RNF212: variants seen among roughly 807,000 people sequenced by gnomAD.
The protein encoded by RNF212 is ring finger protein 212.
RNF212 carries 33 observed loss-of-function variants against 34.7 expected under a neutral mutation model. The observed-to-expected ratio is 0.95, with a 90% CI of 0.72 to 1.27. The LOEUF is 1.27. RNF212 is among the 50% of genes most tolerant of loss of function. The pLI is 0.00. For missense variants in RNF212, 377 were observed against 362.2 expected, an observed-to-expected ratio of 1.04 and a Z score of -0.33; for synonymous variants, 140 against 136.1, an observed-to-expected ratio of 1.03 and a Z score of -0.20.
intron 3 of RNF212, chr4:1,093,953 T>A (rs1159461643): frequency 2.0e-6 from 3 of 1,536,112 alleles, no homozygotes; most frequent in Non-Finnish European, 2.6e-6. Context: ...TCTGGGCACC[T>A]CCTTGGAGGA....
chr4:1,100,766 T>G (rs527893595), intron 2 of RNF212: 6 of 152,650 alleles, frequency 3.9e-5, no homozygotes, highest in Admixed American at 3.3e-4. Flanking sequence ...ATCATCATAT[T>G]TGACCACTAT....
chr4:1,075,947 G>A (rs1719226479), intron 8 of RNF212, among the ~76,000 whole-genome samples: 1 of 152,120 alleles, frequency 6.6e-6, no homozygotes, highest in Non-Finnish European at 1.5e-5. Flanking sequence ...CAGGCGTGAG[G>A]TACTGTGTCT....
Position 1,080,717 on chromosome 4 carries a change from G to A in RNF212, c.464+702C>T, listed in dbSNP as rs1201791394. Among the ~76,000 whole-genome samples the A allele has an allele frequency of 3.3e-5, 5 of 152,194 alleles. No individual in the cohort carries two copies. The East Asian group carries it at 7.7e-4, about 23-fold the overall frequency. Reference sequence around the variant, plus strand: ...GCCTGAGCCTTCTTTCCTGCCTCTTGCTACCTGTGGACAGAGCACTGTCCT... The same window carrying A: ...GCCTGAGCCTTCTTTCCTGCCTCTTACTACCTGTGGACAGAGCACTGTCCT... On this transcript the variant is annotated intron_variant, in intron 7 of 9. Transcript: ENST00000433731.
chr4:1,105,638 T>G (rs936519423), intron 2 of RNF212, among the ~76,000 whole-genome samples: 1 of 152,262 alleles, frequency 6.6e-6, no homozygotes, highest in Non-Finnish European at 1.5e-5. Context: ...CAGAGGGTAC[T>G]GCACTAAGCG....
chr4:1,113,535 C>A lies in RNF212; in HGVS notation c.-71G>T, dbSNP rs1028172125. On this transcript the variant is annotated 5_prime_UTR_variant, in exon 1 of 10. Coordinates refer to ENST00000433731, the MANE Select transcript of RNF212 (RefSeq NM_001131034.4). The stretch of plus-strand genomic sequence containing the variant: ...CACGCAAGGTTGGGACCAGCCTCCC[C>A]GCGCAGGGCCCGAAGGCGGGCAGCT... 1.1e-5 allele frequency: 14 copies of A among 1,293,994 alleles called. No homozygotes were observed. In the Admixed American group the frequency reaches 1.2e-4, roughly 11 times the overall value. The allele number at this position is 1,293,994 out of a possible 1,614,324, so 80.2% of individuals were successfully genotyped here.
At chr4:1,088,327 T>C (rs2153049403) in intron 4 of RNF212, among the ~76,000 whole-genome samples, 2 of 152,354 alleles carry the variant, frequency 1.3e-5, no homozygotes, top group South Asian at 4.1e-4. Flanking sequence ...CCTCAATGTC[T>C]GTGGAACTTT....
At chr4:1,058,307 C>CGG (rs141837552) in intron 4 of RNF212, 2 of 898,130 alleles carry the variant, frequency 2.2e-6, no homozygotes, top group Admixed American at 6.6e-5. Flanking sequence ...AAGGTGCTTG[C>CGG]GGGGGGGCAC....
intron 3 of RNF212, among the ~76,000 whole-genome samples, chr4:1,094,445 G>C (rs1443078854): frequency 1.3e-5 from 2 of 152,206 alleles, no homozygotes; most frequent in African/African-American, 4.8e-5. Context: ...TGCTGACTGG[G>C]AGGAGGGTCA....
downstream of RNF212, chr4:1,071,336 T>G (rs1718476254): frequency 6.6e-6 from 1 of 152,108 alleles, no homozygotes; most frequent in African/African-American, 2.4e-5. Flanking sequence ...TCAAAATAAA[T>G]TATTAAAAAA....
At chr4:1,098,756 G>C (rs1333844367) in intron 2 of RNF212, among the ~76,000 whole-genome samples, 1 of 152,156 alleles carries the variant, frequency 6.6e-6, no homozygotes, top group African/African-American at 2.4e-5. Context: ...CACCCCCTCA[G>C]CCCCGGCCAT....
At chr4:1,088,748 C>T (rs986010640) in intron 4 of RNF212, among the ~76,000 whole-genome samples, 4 of 152,220 alleles carry the variant, frequency 2.6e-5, no homozygotes, top group Admixed American at 6.5e-5. Flanking sequence ...GGACATGGTG[C>T]CCTGCATCCT....
In RNF212 at chr4:1,110,584, A is replaced by G. The variant is rs1021130688; in HGVS notation, c.110-2180T>C. Among the ~76,000 whole-genome samples, 24 of 152,234 alleles carry G rather than the reference A, an allele frequency of 1.6e-4. 1 individual carries two copies. The highest frequency in any genetic ancestry group is 1.9e-4 in the African/African-American group (8 of 41,456). On this transcript the variant is annotated intron_variant, in intron 1 of 9. Transcript: ENST00000433731. The stretch of plus-strand genomic sequence containing the variant: ...TGCAACCTTAAGAATGATGATACAG[A>G]CTTATTTTAACACGGAAGGAGGTCT...
chr4:1,110,535 G>A (rs1391625748), intron 1 of RNF212, among the ~76,000 whole-genome samples: 1 of 152,142 alleles, frequency 6.6e-6, no homozygotes, highest in Admixed American at 6.5e-5. Flanking sequence ...CTATGTTATG[G>A]TATGATAGCC....
At chr4:1,066,416 C>T (rs1401695234) in intron 3 of RNF212, among the ~76,000 whole-genome samples, 1 of 152,130 alleles carries the variant, frequency 6.6e-6, no homozygotes, top group African/African-American at 2.4e-5. Context: ...GCAACCTTTG[C>T]CCCCCAGGCT....
Position 1,081,325 on chromosome 4 carries a change from G to A in RNF212, c.464+94C>T, listed in dbSNP as rs1028531074. 3 of 1,067,800 alleles carry A rather than the reference G, an allele frequency of 2.8e-6. No individual in the cohort carries two copies. The African/African-American group carries it at 4.7e-5, about 17-fold the overall frequency. 66.1% of individuals were successfully genotyped at this position (1,067,800 alleles called of 1,614,324 possible). A position where few individuals can be genotyped will look rare whatever the true frequency, so the allele number is the denominator to read the frequency against. On this transcript the variant is annotated intron_variant, in intron 7 of 9. Transcript: ENST00000433731. ...CAACTGTATGGATTAGCAAAATCTG[G>A]GGGCTTGGAGAGGGGGTGGGGTTGG...
intron 3 of RNF212, among the ~76,000 whole-genome samples, chr4:1,066,447 G>A (rs183447603): frequency 1.3e-5 from 2 of 152,218 alleles, no homozygotes; most frequent in Admixed American, 1.3e-4. Context: ...GCCCACTTCA[G>A]CTTCCTGAGC....
intron 8 of RNF212, among the ~76,000 whole-genome samples, chr4:1,077,241 C>A (rs1719464179): frequency 6.6e-6 from 1 of 152,078 alleles, no homozygotes; most frequent in South Asian, 2.1e-4. Flanking sequence ...AACAAACAAA[C>A]AAACAAAAAA....
chr4:1,064,754 T>A (rs1947955956), intron 3 of RNF212, among the ~76,000 whole-genome samples: 1 of 152,222 alleles, frequency 6.6e-6, no homozygotes, highest in Non-Finnish European at 1.5e-5. Context: ...TATAACTGTT[T>A]TCATTTTGTG....
rs576977115 is a variant in RNF212 at position 1,104,101 on chromosome 4, C to T, written c.171+4242G>A. ...AGCACTTGAGAAAAATTGTTTAAAACTACAATAGTAGCAGTCCAAATCATT... is the reference window on the plus strand; with the variant it reads ...AGCACTTGAGAAAAATTGTTTAAAATTACAATAGTAGCAGTCCAAATCATT... On this transcript the variant is annotated intron_variant, in intron 2 of 9. Coordinates refer to ENST00000433731, the MANE Select transcript of RNF212 (RefSeq NM_001131034.4). 2.0e-5 allele frequency among the ~76,000 whole-genome samples: 3 copies of T among 152,324 alleles called. No individual in the cohort carries two copies. The East Asian group carries it at 5.8e-4, about 29-fold the overall frequency.
Sources: allele counts gnomAD v4.1 joint callset (sites outside exome capture counted in the v4.1 genomes callset), GRCh38; gene constraint gnomAD v4.1.1; transcripts MANE v1.5; gene names NCBI Gene and HGNC (gene_info 2026-07-23, HGNC 2026-07-21).